The following C8orf89 variants were observed in gnomAD, a reference collection of about 807,000 sequenced individuals.
C8orf89 encodes the protein chromosome 8 open reading frame 89.
A neutral mutation model predicts 15.8 loss-of-function variants in C8orf89; 14 were observed. The ratio of observed to expected loss-of-function variants is 0.89; its 90% CI spans 0.59 to 1.39. The LOEUF (loss-of-function observed/expected upper bound fraction) is 1.39, where lower values mean the gene tolerates loss of function less well. C8orf89 is among the 40% of genes most tolerant of loss of function. The probability of loss-of-function intolerance (pLI) is 0.00; values close to 1 mark genes in which losing one functional copy is unlikely to be tolerated. For missense variants in C8orf89, 181 were observed against 184.5 expected (o/e 0.98, Z 0.11); for synonymous variants, 55 against 62.2 (o/e 0.88, Z 0.54).
At chr8:73,260,194 C>A (rs985585137), upstream of C8orf89, among the ~76,000 whole-genome samples, 1 of 152,138 alleles carries the variant, frequency 6.6e-6, no homozygotes, top group Non-Finnish European at 1.5e-5. Flanking sequence ...GCAAAACAGT[C>A]CCTGCCCTTG....
chr8:73,268,419 C>T, the C8orf89 span, among the ~76,000 whole-genome samples: 1 of 151,484 alleles, frequency 6.6e-6, no homozygotes, highest in East Asian at 2.0e-4. Context: ...GCAGAGGTTG[C>T]AGTGAGCCGA....
chr8:73,284,633 T>G, the C8orf89 span, among the ~76,000 whole-genome samples: 1 of 152,110 alleles, frequency 6.6e-6, no homozygotes, highest in Admixed American at 6.5e-5. Flanking sequence ...TAACAAGGAT[T>G]AAAAAGTAAA....
the C8orf89 span, among the ~76,000 whole-genome samples, chr8:73,272,002 G>A: frequency 6.6e-6 from 1 of 152,184 alleles, no homozygotes. Flanking sequence ...CTTAAGCACA[G>A]AAAGAAATGA....
At chr8:73,249,714 C>T (rs975433450) in intron 3 of C8orf89, among the ~76,000 whole-genome samples, 70 of 152,092 alleles carry the variant, frequency 4.6e-4, no homozygotes, top group African/African-American at 1.6e-3. Context: ...TCACCATGAA[C>T]TTAGGAGTAA....
upstream of C8orf89, among the ~76,000 whole-genome samples, chr8:73,262,507 TA>T (rs1015256032): frequency 1.3e-5 from 2 of 151,860 alleles, no homozygotes; most frequent in African/African-American, 2.4e-5. Context: ...TTTTCCAAAA[TA>T]AAAAAAAATT....
At chr8:73,273,399 C>T in the C8orf89 span, among the ~76,000 whole-genome samples, 1 of 152,244 alleles carries the variant, frequency 6.6e-6, no homozygotes. Context: ...TATGGCCGAG[C>T]CCAGGCACTG....
the C8orf89 span, among the ~76,000 whole-genome samples, chr8:73,282,873 G>A: frequency 6.6e-6 from 1 of 152,188 alleles, no homozygotes; most frequent in Admixed American, 6.5e-5. Flanking sequence ...TGAGGTGACT[G>A]AGAATTATGG....
chr8:73,254,279 A>G (rs1259701332), intron 2 of C8orf89, among the ~76,000 whole-genome samples: 2 of 152,022 alleles, frequency 1.3e-5, no homozygotes, highest in Non-Finnish European at 2.9e-5. Context: ...CCCAGGGATG[A>G]AGCCCACTTG....
At chr8:73,259,198 C>T in intron 1 of C8orf89, 134 bp downstream of exon 1, 6 of 539,154 alleles carry the variant, frequency 1.1e-5, no homozygotes, top group African/African-American at 2.0e-5. Context: ...TTCCATTTTT[C>T]TTTTTCATCA....
chr8:73,275,231 CTTTTTTTTTTT>C, the C8orf89 span, among the ~76,000 whole-genome samples: 1,399 of 84,822 alleles, frequency 0.016, 15 homozygotes, highest in Admixed American at 0.029. Context: ...TGTAATAGTT[CTTTTTTTTTTT>C]TTTTTTTTTT....
intron 1 of C8orf89, among the ~76,000 whole-genome samples, chr8:73,258,409 CAAAA>C (rs34265425): frequency 1.4e-4 from 10 of 69,138 alleles, no homozygotes; most frequent in East Asian, 4.3e-4. Flanking sequence ...GACTCCATCT[CAAAA>C]AAAAAAAAAA....
intron 3 of C8orf89, among the ~76,000 whole-genome samples, chr8:73,248,501 A>G (rs1043691808): frequency 6.6e-6 from 1 of 152,176 alleles, no homozygotes; most frequent in African/African-American, 2.4e-5. Flanking sequence ...TTTAATAGGA[A>G]TCACATTGAA....
At chr8:73,251,502 G>A (rs953305256) in intron 2 of C8orf89, among the ~76,000 whole-genome samples, 1 of 152,174 alleles carries the variant, frequency 6.6e-6, no homozygotes. Context: ...TATACATTAT[G>A]TCACTTAGCC....
At chr8:73,277,994 C>T in the C8orf89 span, 1 of 605,644 alleles carries the variant, frequency 1.7e-6, no homozygotes, top group Non-Finnish European at 3.1e-6. Context: ...GGCTCTTGCA[C>T]CGAGGGACCA....
chr8:73,259,307 A>G, intron 1 of C8orf89, 25 bp downstream of exon 1: 1 of 1,411,824 alleles, frequency 7.1e-7, no homozygotes, highest in Non-Finnish European at 9.5e-7. Context: ...TGTTTTCTTA[A>G]GGAAAATAAT....
chr8:73,242,850 C>A (rs1033920606), intron 3 of C8orf89, among the ~76,000 whole-genome samples: 1 of 152,170 alleles, frequency 6.6e-6, no homozygotes, highest in Admixed American at 6.5e-5. Context: ...GAGGTATCTG[C>A]ACTCCTGTGT....
chr8:73,256,918 C>A (rs2130283724), intron 2 of C8orf89, 55 bp downstream of exon 2: 1 of 1,268,648 alleles, frequency 7.9e-7, no homozygotes, highest in Admixed American at 2.9e-5. Context: ...CTACATTCAG[C>A]AGTATTACTA....
intron 1 of C8orf89, among the ~76,000 whole-genome samples, chr8:73,257,704 T>C (rs1336958467): frequency 6.6e-6 from 1 of 152,174 alleles, no homozygotes; most frequent in East Asian, 1.9e-4. Flanking sequence ...GACGGTCAAA[T>C]TATTTTTAAA....
chr8:73,259,213 A>T, intron 1 of C8orf89, 119 bp downstream of exon 1: 1 of 579,952 alleles, frequency 1.7e-6, no homozygotes, highest in Non-Finnish European at 2.6e-6. Flanking sequence ...TCATCAATTT[A>T]AGATATAATT....
Sources: allele counts gnomAD v4.1 joint callset (sites outside exome capture counted in the v4.1 genomes callset), GRCh38; gene constraint gnomAD v4.1.1; transcripts MANE v1.5; gene names NCBI Gene and HGNC (gene_info 2026-07-23, HGNC 2026-07-21).